Variants in TNFSF15 observed in about 807,000 individuals in gnomAD.
TNFSF15 encodes the protein tumor necrosis factor ligand superfamily member 15.
A neutral mutation model predicts 26.4 loss-of-function variants in TNFSF15; 15 were observed. That is an observed-to-expected ratio of 0.57 (90% CI 0.38 to 0.87). TNFSF15 has a LOEUF of 0.87. Among genes scored for constraint, TNFSF15 ranks in the 40% least tolerant of loss-of-function variants. TNFSF15 has a pLI of 0.00. For synonymous variants in TNFSF15, 116 were observed against 115.0 expected, an observed-to-expected ratio of 1.01 and a Z score of -0.06; for missense variants, 290 against 306.1, an observed-to-expected ratio of 0.95 and a Z score of 0.39.
Position 114,792,467 on chromosome 9 carries a change from G to A in TNFSF15, c.254-13C>T, listed in dbSNP as rs1360776425. 6.2e-7 allele frequency: 1 copy of A among 1,613,968 alleles called. No homozygotes were observed. Among genetic ancestry groups the A allele is most frequent in the Non-Finnish European group, 8.5e-7 (1 of 1,179,978 alleles). On this transcript the variant is annotated splice_polypyrimidine_tract_variant and intron_variant, in intron 2 of 3. Coordinates refer to ENST00000374045, the MANE Select transcript of TNFSF15 (RefSeq NM_005118.4). ...CTAAGAGGTGCATCTGTAACAAAAGGAGAAATGTGCTTTGTATGAGACAAA... is the reference window on the plus strand; with the variant it reads ...CTAAGAGGTGCATCTGTAACAAAAGAAGAAATGTGCTTTGTATGAGACAAA...
chr9:114,802,072 T>C (rs1480579074), intron 1 of TNFSF15, among the ~76,000 whole-genome samples: 1 of 152,120 alleles, frequency 6.6e-6, no homozygotes, highest in African/African-American at 2.4e-5. Flanking sequence ...TTGTGTGCAA[T>C]GGGTTGTATT....
At chr9:114,799,814 C>T (rs1306383982) in intron 1 of TNFSF15, among the ~76,000 whole-genome samples, 1 of 152,190 alleles carries the variant, frequency 6.6e-6, no homozygotes, top group Admixed American at 6.5e-5. Context: ...GCCTGGATGT[C>T]TGAGATTCAC....
chr9:114,795,706 G>A (rs12235514), intron 1 of TNFSF15, among the ~76,000 whole-genome samples: 6,851 of 152,284 alleles, frequency 0.045, 258 homozygotes, highest in East Asian at 0.16. Context: ...ACTGTCTCAT[G>A]AATGAGGAAT....
chr9:114,795,038 AC>A (rs1829657088), intron 1 of TNFSF15, among the ~76,000 whole-genome samples: 1 of 152,180 alleles, frequency 6.6e-6, no homozygotes, highest in African/African-American at 2.4e-5. Context: ...AGAAGAGAAA[AC>A]TTGAAATGTT....
chr9:114,786,301 T>G lies in TNFSF15; in HGVS notation c.*4151A>C, dbSNP rs774749300. The G allele has an allele frequency of 6.6e-6, 1 of 152,218 alleles. No homozygotes were observed. Among genetic ancestry groups the G allele is most frequent in the Admixed American group, 6.5e-5 (1 of 15,278 alleles). The allele number at this position is 152,218 out of a possible 1,614,324, so 9.4% of individuals were successfully genotyped here. On this transcript the variant is annotated 3_prime_UTR_variant, in exon 4 of 4. Transcript: ENST00000374045. ...GCATGTGTTTTTAAGGTACAGAATA[T>G]AAACAGTTCTGTCTTGCAGAATTAA...
intron 1 of TNFSF15, among the ~76,000 whole-genome samples, chr9:114,799,698 C>T (rs914021992): frequency 6.6e-6 from 1 of 152,214 alleles, no homozygotes; most frequent in Non-Finnish European, 1.5e-5. Flanking sequence ...GCAGTGTATG[C>T]TCCATTGGGT....
chr9:114,796,992 T>C (rs1176243605), intron 1 of TNFSF15, among the ~76,000 whole-genome samples: 3 of 152,198 alleles, frequency 2.0e-5, no homozygotes, highest in Non-Finnish European at 4.4e-5. Context: ...CTGAAGGAAT[T>C]GATCCTTTGG....
chr9:114,786,671 G>T lies in TNFSF15; in HGVS notation c.*3781C>A, dbSNP rs569311069. 6.6e-6 allele frequency: 1 copy of T among 152,222 alleles called. No homozygotes were observed. The highest frequency in any genetic ancestry group is 6.5e-5 in the Admixed American group (1 of 15,292). 9.4% of individuals were successfully genotyped at this position (152,222 alleles called of 1,614,324 possible). On this transcript the variant is annotated 3_prime_UTR_variant, in exon 4 of 4. Transcript: ENST00000374045. ...CTCACGCCTGTAATCCCAGCACTTT[G>T]GAAGGCTGAGGCGGGCGGATCACGA...
chr9:114,797,140 C>T (rs1829682326), intron 1 of TNFSF15, among the ~76,000 whole-genome samples: 1 of 152,168 alleles, frequency 6.6e-6, no homozygotes, highest in Non-Finnish European at 1.5e-5. Context: ...TTTGAACATC[C>T]TGCTTGTCTT....
Position 114,790,784 on chromosome 9 carries a change from G to A in TNFSF15, c.424C>T (p.Pro142Ser). The A allele has an allele frequency of 6.2e-7, 1 of 1,614,054 alleles. No individual in the cohort carries two copies. Among genetic ancestry groups the A allele is most frequent in the South Asian group, 1.1e-5 (1 of 91,054 alleles). Reference protein sequence around the residue: ...MNYTNKFLLIPESGDYFIYSQ... With the variant: ...MNYTNKFLLISESGDYFIYSQ... Reference sequence around the variant, plus strand: ...TAAATGAAGTAGTCTCCCGACTCTGGGATCAGCAGGAATTTGTTGGTATAG... The same window carrying A: ...TAAATGAAGTAGTCTCCCGACTCTGAGATCAGCAGGAATTTGTTGGTATAG... The change falls in exon 4 of 4, where the codon CCA (proline) becomes TCA (serine). Residue 142 changes from proline to serine, a missense_variant. Physicochemically the swap from Pro to Ser is moderately conservative, Grantham distance 74 (BLOSUM62 -1). Around this residue, in one of 3 missense-constraint regions of TNFSF15, gnomAD observed 9 missense variants for 25.5 expected, o/e 0.35. Transcript: ENST00000374045.
intron 1 of TNFSF15, among the ~76,000 whole-genome samples, chr9:114,795,580 G>T (rs1829663433): frequency 6.6e-6 from 1 of 152,182 alleles, no homozygotes; most frequent in African/African-American, 2.4e-5. Context: ...GTATATAGGA[G>T]GATGTGACTA....
At position 114,790,435 on chromosome 9, in the gene TNFSF15, T is replaced by G; in HGVS notation, c.*17A>C. The G allele has an allele frequency of 1.9e-6, 3 of 1,546,980 alleles. No homozygotes were observed. Among genetic ancestry groups the G allele is most frequent in the Non-Finnish European group, 2.6e-6 (3 of 1,146,868 alleles). ...TCGGTGGCAGAGGACTTTCATATAA[T>G]GATATTTGCTCTCCTCCTATAGTAA... On this transcript the variant is annotated 3_prime_UTR_variant, in exon 4 of 4. Coordinates refer to ENST00000374045, the MANE Select transcript of TNFSF15 (RefSeq NM_005118.4).
intron 3 of TNFSF15, chr9:114,791,291 G>A (rs1038380525): frequency 9.2e-6 from 3 of 327,514 alleles, no homozygotes; most frequent in Non-Finnish European, 1.8e-5. Context: ...AAAACTCATC[G>A]ATGCCTCTCT....
intron 1 of TNFSF15, among the ~76,000 whole-genome samples, chr9:114,802,618 C>G (rs1207972334): frequency 1.3e-5 from 2 of 152,174 alleles, no homozygotes; most frequent in African/African-American, 4.8e-5. Flanking sequence ...TCTTAATTCT[C>G]TCTTTGGAAA....
At chr9:114,792,293 A>T (rs1829614131) in intron 3 of TNFSF15, 114 bp downstream of exon 3, 1 of 1,304,224 alleles carries the variant, frequency 7.7e-7, no homozygotes, top group Non-Finnish European at 1.1e-6. Context: ...GGAGTCTCTT[A>T]CCAAGGAATG....
intron 1 of TNFSF15, among the ~76,000 whole-genome samples, chr9:114,798,006 C>T (rs1334353002): frequency 6.6e-6 from 1 of 152,106 alleles, no homozygotes; most frequent in African/African-American, 2.4e-5. Flanking sequence ...CAAAGAGAGT[C>T]AGAGAGGGGG....
chr9:114,801,851 G>A (rs1829753360), intron 1 of TNFSF15, among the ~76,000 whole-genome samples: 1 of 152,194 alleles, frequency 6.6e-6, no homozygotes, highest in Non-Finnish European at 1.5e-5. Flanking sequence ...TTGTATGGAA[G>A]AGGCTAGGTT....
At chr9:114,792,224 TACACACACAC>T (rs142936750) in intron 3 of TNFSF15, 173 bp downstream of exon 3, 178,287 of 557,302 alleles carry the variant, frequency 0.32, 12,723 homozygotes, top group Admixed American at 0.38. Context: ...CATATGTGTG[TACACACACAC>T]ACACACACAC....
At chr9:114,795,155 C>T (rs1352178822) in intron 1 of TNFSF15, among the ~76,000 whole-genome samples, 4 of 151,920 alleles carry the variant, frequency 2.6e-5, no homozygotes, top group African/African-American at 9.7e-5. Flanking sequence ...ATGTACCCCA[C>T]ACGTATATAA....
Sources: gnomAD v4.1 joint callset for allele counts (sites outside exome capture counted in the v4.1 genomes callset) on GRCh38, gnomAD v4.1.1 for gene constraint, gnomAD v4.1.1 regional missense constraint, MANE v1.5 for transcripts, NCBI Gene and HGNC (gene_info 2026-07-23, HGNC 2026-07-21) for gene names.